Variants in UBA6 observed in about 807,000 individuals in gnomAD.
The protein encoded by UBA6 is ubiquitin-like modifier-activating enzyme 6.
A neutral mutation model predicts 148.3 loss-of-function variants in UBA6; 87 were observed. That is an observed-to-expected ratio of 0.59 (90% CI 0.49 to 0.70). The LOEUF is 0.70. Among genes scored for constraint, UBA6 ranks in the 30% least tolerant of loss-of-function variants. UBA6 has a pLI of 0.00. For missense variants in UBA6, 1,186 were observed against 1,241.2 expected, an observed-to-expected ratio of 0.96 and a Z score of 0.67; for synonymous variants, 376 against 401.0, an observed-to-expected ratio of 0.94 and a Z score of 0.75.
chr4:67,678,573 C>T (rs755511684), intron 4 of UBA6, 40 bp from the exon 5 acceptor site: 1 of 1,116,558 alleles, frequency 9.0e-7, no homozygotes, highest in South Asian at 1.4e-5. Context: ...GTCAGGAGTT[C>T]AAGGATATGC....
intron 15 of UBA6, 146 bp from the exon 16 acceptor site, chr4:67,646,162 C>T: frequency 4.5e-6 from 2 of 448,798 alleles, no homozygotes; most frequent in Non-Finnish European, 3.8e-6. Context: ...AAAAGAAAAG[C>T]CTCCATAAAG....
intron 7 of UBA6, among the ~76,000 whole-genome samples, chr4:67,673,097 T>C (rs577582940): frequency 2.6e-5 from 4 of 152,290 alleles, no homozygotes; most frequent in East Asian, 1.9e-4. Context: ...CTCCAATACA[T>C]AGATAGTCAA....
chr4:67,662,476 T>TC lies in UBA6; in HGVS notation c.1038-222_1038-221insG, dbSNP rs1729885890. 4 of 417,354 alleles carry TC rather than the reference T, an allele frequency of 9.6e-6. No individual in the cohort carries two copies. In the East Asian group the frequency reaches 1.5e-4, roughly 15 times the overall value. The allele number at this position is 417,354 out of a possible 1,614,324, so 25.9% of individuals were successfully genotyped here. A position where few individuals can be genotyped will look rare whatever the true frequency, so the allele number is the denominator to read the frequency against. On this transcript the variant is annotated intron_variant, in intron 12 of 32. Coordinates refer to ENST00000322244, the MANE Select transcript of UBA6 (RefSeq NM_018227.6). ...ATAAATAAGTTTAGTTTTTTTTGTTTTTTTTTTTTTGAGACAGTCTCACTG... is the reference window on the plus strand; with the variant it reads ...ATAAATAAGTTTAGTTTTTTTTGTTTCTTTTTTTTTTGAGACAGTCTCACTG...
At chr4:67,687,930 T>A (rs546726539) in intron 2 of UBA6, among the ~76,000 whole-genome samples, 1 of 152,258 alleles carries the variant, frequency 6.6e-6, no homozygotes, top group African/African-American at 2.4e-5. Context: ...ATCCTAAAGT[T>A]GGAACCTGGC....
intron 6 of UBA6, among the ~76,000 whole-genome samples, chr4:67,676,954 T>C (rs541876530): frequency 1.1e-4 from 16 of 152,116 alleles, no homozygotes; most frequent in Non-Finnish European, 1.9e-4. Flanking sequence ...TCCAAGGTCC[T>C]GGGAATTTTG....
chr4:67,677,558 C>T lies in UBA6; in HGVS notation c.465+53G>A, dbSNP rs189957943. On this transcript the variant is annotated intron_variant, in intron 6 of 32. Coordinates refer to ENST00000322244, the MANE Select transcript of UBA6 (RefSeq NM_018227.6). The stretch of plus-strand genomic sequence containing the variant: ...ATTAGTTAAACATATTAATATTTAA[C>T]AATTTTGCCCTGGAACCTGTCAATA... 1.2e-4 allele frequency: 112 copies of T among 897,598 alleles called. 1 individual carries two copies. The African/African-American group carries it at 1.8e-3, about 15-fold the overall frequency. The allele number at this position is 897,598 out of a possible 1,614,324, so 55.6% of individuals were successfully genotyped here. A position where few individuals can be genotyped will look rare whatever the true frequency, so the allele number is the denominator to read the frequency against.
rs1730382032 is a variant in UBA6 at position 67,679,620 on chromosome 4, C to A, written c.259-1087G>T. On this transcript the variant is annotated intron_variant, in intron 4 of 32. Transcript: ENST00000322244. ...ATTGGTATTCTGAAACTATGCCATA[C>A]AAGTAAAATATAATAGGATAAAGAA... 2.6e-5 allele frequency among the ~76,000 whole-genome samples: 4 copies of A among 151,634 alleles called. No individual in the cohort carries two copies. In the South Asian group the frequency reaches 8.3e-4, roughly 32 times the overall value.
rs1259782377 is a variant in UBA6, at chr4:67,617,612, T to C, written c.*1385A>G. 3 of 152,108 alleles carry C rather than the reference T, an allele frequency of 2.0e-5. No individual in the cohort carries two copies. The highest frequency in any genetic ancestry group is 6.6e-5 in the Admixed American group (1 of 15,264). 9.4% of individuals were successfully genotyped at this position (152,108 alleles called of 1,614,324 possible). The stretch of plus-strand genomic sequence containing the variant: ...ACAATACAGCTGGTTGATAAAGTAA[T>C]TTAAACTATTTGTAAATGAAATAAA... On this transcript the variant is annotated 3_prime_UTR_variant, in exon 33 of 33. Coordinates refer to ENST00000322244, the MANE Select transcript of UBA6 (RefSeq NM_018227.6).
chr4:67,663,043 G>A (rs1160992019), intron 12 of UBA6, 96 bp downstream of exon 12: 4 of 801,120 alleles, frequency 5.0e-6, no homozygotes, highest in Non-Finnish European at 7.9e-6. Context: ...TATTGGTATT[G>A]TAATTACAAA....
At chr4:67,690,003 A>G (rs1006570734) in intron 2 of UBA6, among the ~76,000 whole-genome samples, 3 of 152,140 alleles carry the variant, frequency 2.0e-5, no homozygotes, top group Non-Finnish European at 4.4e-5. Context: ...TTTAGGGCTA[A>G]GCAGAAAGGA....
chr4:67,696,442 CATATACACATATATAT>C (rs1431453859), intron 2 of UBA6, among the ~76,000 whole-genome samples, 187 bp downstream of exon 2: 2 of 129,740 alleles, frequency 1.5e-5, no homozygotes, highest in African/African-American at 5.6e-5. Context: ...TATATATACA[CATATACACATATATAT>C]ACATATACAT....
At chr4:67,696,279 TCTTAGTCCTATCACCTAAACCTA>T in intron 2 of UBA6, among the ~76,000 whole-genome samples, 1 of 152,218 alleles carries the variant, frequency 6.6e-6, no homozygotes, top group East Asian at 1.9e-4. Context: ...GCAAAATCCT[TCTTAGTCCTATCACCTAAACCTA>T]AAACAACTGA....
intron 2 of UBA6, among the ~76,000 whole-genome samples, chr4:67,684,001 C>A (rs762855156): frequency 1.3e-5 from 2 of 152,164 alleles, no homozygotes; most frequent in Non-Finnish European, 2.9e-5. Context: ...TTGCTTGAGC[C>A]AGGAGGTGGA....
At chr4:67,637,735 A>G (rs1729198557) in intron 19 of UBA6, among the ~76,000 whole-genome samples, 1 of 152,224 alleles carries the variant, frequency 6.6e-6, no homozygotes, top group South Asian at 2.1e-4. Context: ...AGATGCCTGA[A>G]GGCAGCATGC....
In UBA6 at chr4:67,683,009, T is replaced by C. The variant is rs1307179540; in HGVS notation, c.135-796A>G. 7.2e-5 allele frequency among the ~76,000 whole-genome samples: 11 copies of C among 152,190 alleles called. 1 individual carries two copies. Among genetic ancestry groups the C allele is most frequent in the Admixed American group, 6.5e-4 (10 of 15,282 alleles). On this transcript the variant is annotated intron_variant, in intron 2 of 32. Coordinates refer to ENST00000322244, the MANE Select transcript of UBA6 (RefSeq NM_018227.6). ...TTATTTCAGCTTTTCATATTCAACA[T>C]AAAAGCCTGAAAAGGGATTTCTTAT...
At chr4:67,699,003 A>C (rs1730907685) in intron 1 of UBA6, among the ~76,000 whole-genome samples, 3 of 152,130 alleles carry the variant, frequency 2.0e-5, no homozygotes, top group Non-Finnish European at 4.4e-5. Context: ...CTGTTAAATG[A>C]ATAAATTTTA....
rs572379185 is a variant in UBA6, at chr4:67,613,859, T to C, written c.*5138A>G. On this transcript the variant is annotated 3_prime_UTR_variant, in exon 33 of 33. Coordinates refer to ENST00000322244, the MANE Select transcript of UBA6 (RefSeq NM_018227.6). ...TAACAAGAAAGAAAATCAAAATATT[T>C]TACCCCGAAATATGTTTCTCTGCCA... 1.1e-4 allele frequency: 16 copies of C among 152,306 alleles called. 1 individual carries two copies. The East Asian group carries it at 3.1e-3, about 29-fold the overall frequency. The allele number at this position is 152,306 out of a possible 1,614,324, so 9.4% of individuals were successfully genotyped here.
In UBA6 at chr4:67,631,846, T is replaced by C; in HGVS notation, c.2194+11A>G. The C allele has an allele frequency of 1.2e-6, 2 of 1,611,822 alleles. No individual in the cohort carries two copies. Among genetic ancestry groups the C allele is most frequent in the Non-Finnish European group, 1.7e-6 (2 of 1,178,762 alleles). On this transcript the variant is annotated intron_variant, in intron 24 of 32. Transcript: ENST00000322244. ...ATGTCATTAAAATTTATTCTCAACA[T>C]TTATACTTACTGCCATCTTTTAATC...
intron 2 of UBA6, among the ~76,000 whole-genome samples, chr4:67,685,150 G>C (rs1274722847): frequency 6.6e-6 from 1 of 151,982 alleles, no homozygotes; most frequent in Non-Finnish European, 1.5e-5. Flanking sequence ...ACTCCCCAAA[G>C]ATAACTAGTC....
Sources: allele counts gnomAD v4.1 joint callset (sites outside exome capture counted in the v4.1 genomes callset), GRCh38; gene constraint gnomAD v4.1.1; transcripts MANE v1.5; gene names NCBI Gene and HGNC (gene_info 2026-07-23, HGNC 2026-07-21).